The following CCDC171 variants were observed in gnomAD, a reference collection of about 807,000 sequenced individuals.
CCDC171 encodes coiled-coil domain-containing protein 171.
Under a neutral mutation model 168.2 loss-of-function variants are expected in CCDC171, and 177 were observed. The ratio of observed to expected loss-of-function variants is 1.05; its 90% CI spans 0.93 to 1.19. The LOEUF (loss-of-function observed/expected upper bound fraction) is 1.19, where lower values mean the gene tolerates loss of function less well. Ranked by LOEUF, CCDC171 falls within the 50% of genes most tolerant of loss-of-function variation. The pLI, the probability that CCDC171 is intolerant of heterozygous loss-of-function variation, is 0.00. For synonymous variants in CCDC171, 687 were observed against 540.8 expected (o/e 1.27, Z -3.75); for missense variants, 1,991 against 1,539.0 (o/e 1.29, Z -4.91).
chr9:15,745,573 C>G lies in CCDC171; in HGVS notation c.2613C>G (p.Asp871Glu). 3 of 1,590,548 alleles carry G rather than the reference C, an allele frequency of 1.9e-6. No homozygotes were observed. The highest frequency in any genetic ancestry group is 1.7e-6 in the Non-Finnish European group (2 of 1,170,268). The change falls in exon 18 of 26, where the codon GAC becomes GAG. Residue 871 changes from aspartate (D) to glutamate (E), a missense_variant. By Grantham distance (45) the Asp-to-Glu change is conservative. Transcript: ENST00000380701. ...CGCTCAGTTGGCTCACCAGTTCTGA[C>G]CTTCTTGCTGCAATAATCAGTTCTA... ...LQALSWLTSS[D>E]LLAAIISSMA...
Position 15,649,958 on chromosome 9 carries a change from A to C in CCDC171, c.823-7169A>C, listed in dbSNP as rs950763491. Among the ~76,000 whole-genome samples, 11 of 152,296 alleles carry C rather than the reference A, an allele frequency of 7.2e-5. No individual in the cohort carries two copies. The East Asian group carries it at 7.7e-4, about 11-fold the overall frequency. On this transcript the variant is annotated intron_variant, in intron 7 of 25. Transcript: ENST00000380701. ...TAAAGACACAGGCACACGTATGTTT[A>C]TTGCGGCACTATTCACAATAGCAAA...
the CCDC171 span, among the ~76,000 whole-genome samples, chr9:16,099,077 T>C: frequency 3.3e-5 from 5 of 152,354 alleles, no homozygotes; most frequent in African/African-American, 1.2e-4. Flanking sequence ...CAAATCCAGT[T>C]GATTCCAGAC....
intron 21 of CCDC171, among the ~76,000 whole-genome samples, chr9:15,826,440 AGT>A (rs2060014630): frequency 6.6e-6 from 1 of 152,106 alleles, no homozygotes; most frequent in East Asian, 1.9e-4. Flanking sequence ...CAAGATGTGG[AGT>A]CTATTTCCCT....
chr9:15,688,950 A>G (rs1239963820), intron 10 of CCDC171, among the ~76,000 whole-genome samples: 2 of 152,208 alleles, frequency 1.3e-5, no homozygotes, highest in Non-Finnish European at 2.9e-5. Flanking sequence ...ATATATTAGA[A>G]AATCCTAAGG....
chr9:15,656,047 C>A lies in CCDC171; in HGVS notation c.823-1080C>A, dbSNP rs147866327. On this transcript the variant is annotated intron_variant, in intron 7 of 25. Transcript: ENST00000380701. ...TCATAATATTCAATATGGCTGGGTG[C>A]GGTGGCTGACGCCTGTAATCCTAGC... Among the ~76,000 whole-genome samples the A allele has an allele frequency of 6.1e-3, 924 of 152,184 alleles. 7 individuals carry two copies. Among genetic ancestry groups the A allele is most frequent in the African/African-American group, 0.022 (898 of 41,516 alleles).
intron 2 of CCDC171, among the ~76,000 whole-genome samples, chr9:15,569,715 T>A (rs948301813): frequency 5.3e-5 from 8 of 151,332 alleles, no homozygotes; most frequent in Non-Finnish European, 8.8e-5. Flanking sequence ...CTCGGGAGGC[T>A]GAGGCAGGAG....
chr9:15,842,063 T>G (rs771837371), intron 21 of CCDC171, among the ~76,000 whole-genome samples: 4 of 134,364 alleles, frequency 3.0e-5, no homozygotes, highest in Non-Finnish European at 5.0e-5. Context: ...TATTTTTCTT[T>G]AAATGTTATC....
chr9:15,583,519 A>G (rs2041306259), intron 4 of CCDC171, among the ~76,000 whole-genome samples: 1 of 152,186 alleles, frequency 6.6e-6, no homozygotes, highest in African/African-American at 2.4e-5. Flanking sequence ...GCTGGAGGCC[A>G]TTATTCTAAG....
chr9:16,032,026 T>C (rs575246749), intron 6 of CCDC171, among the ~76,000 whole-genome samples: 2 of 152,026 alleles, frequency 1.3e-5, no homozygotes, highest in Non-Finnish European at 2.9e-5. Context: ...GAGAGAAACA[T>C]GTTCAAAGGC....
intron 7 of CCDC171, among the ~76,000 whole-genome samples, chr9:15,646,216 C>A (rs1002585508): frequency 6.6e-6 from 1 of 152,118 alleles, no homozygotes; most frequent in Admixed American, 6.5e-5. Context: ...TTGTCACCAC[C>A]AGGCCTGCCT....
intron 6 of CCDC171, among the ~76,000 whole-genome samples, chr9:15,594,554 T>C (rs557574525): frequency 2.6e-5 from 4 of 152,326 alleles, no homozygotes; most frequent in Non-Finnish European, 5.9e-5. Flanking sequence ...GAACTCTTTT[T>C]AAGAAGTACA....
chr9:15,776,042 A>G (rs545870230), intron 18 of CCDC171: 1 of 152,204 alleles, frequency 6.6e-6, no homozygotes, highest in Non-Finnish European at 1.5e-5. Flanking sequence ...ACAGTGGCCT[A>G]TTTAATTCAC....
chr9:15,729,236 G>C (rs1456270273), intron 15 of CCDC171, among the ~76,000 whole-genome samples: 2 of 152,102 alleles, frequency 1.3e-5, no homozygotes, highest in East Asian at 3.8e-4. Context: ...CATGTAAACT[G>C]TTTGCAGATT....
intron 25 of CCDC171, among the ~76,000 whole-genome samples, chr9:15,930,691 T>C (rs1826404287): frequency 6.6e-6 from 1 of 151,668 alleles, no homozygotes; most frequent in Non-Finnish European, 1.5e-5. Flanking sequence ...TTTACATAAA[T>C]CAGTAGAAAG....
At chr9:15,735,114 G>T (rs77263741) in intron 16 of CCDC171, among the ~76,000 whole-genome samples, 2,366 of 152,252 alleles carry the variant, frequency 0.016, 77 homozygotes, top group African/African-American at 0.054. Context: ...TTTTAATGTC[G>T]AAGCTTTAAA....
At chr9:15,565,573 C>T (rs74579156) in intron 2 of CCDC171, among the ~76,000 whole-genome samples, 3,281 of 152,236 alleles carry the variant, frequency 0.022, 124 homozygotes, top group African/African-American at 0.075. Flanking sequence ...CTTTCTGTTT[C>T]TATAGATTTG....
intron 25 of CCDC171, among the ~76,000 whole-genome samples, chr9:15,955,114 G>A (rs548876628): frequency 6.6e-6 from 1 of 152,058 alleles, no homozygotes; most frequent in East Asian, 1.9e-4. Flanking sequence ...AAAAATTGCT[G>A]TAGCTATCTG....
At position 15,873,526 on chromosome 9, in the gene CCDC171, A is replaced by G. The variant is rs188755408; in HGVS notation, c.3469-1006A>G. 3.9e-5 allele frequency among the ~76,000 whole-genome samples: 6 copies of G among 152,174 alleles called. No homozygotes were observed. In the East Asian group the frequency reaches 1.2e-3, roughly 29 times the overall value. On this transcript the variant is annotated intron_variant, in intron 23 of 25. Transcript: ENST00000380701. Reference sequence around the variant, plus strand: ...TAATATTTATTAAGTATATGGTAACAAATAGATAAAATTTTAAAACCTATT... The same window carrying G: ...TAATATTTATTAAGTATATGGTAACGAATAGATAAAATTTTAAAACCTATT...
intron 20 of CCDC171, 45 bp downstream of exon 20, chr9:15,779,195 T>C (rs2057520203): frequency 8.8e-7 from 1 of 1,130,320 alleles, no homozygotes; most frequent in African/African-American, 1.6e-5. Context: ...CTGATATATA[T>C]TTCTTTATCT....
Sources: gnomAD v4.1 joint callset for allele counts (sites outside exome capture counted in the v4.1 genomes callset) on GRCh38, gnomAD v4.1.1 for gene constraint, MANE v1.5 for transcripts, NCBI Gene and HGNC (gene_info 2026-07-23, HGNC 2026-07-21) for gene names.